The following TRIM24 variants were observed in gnomAD, a reference collection of about 807,000 sequenced individuals.
TRIM24 encodes transcription intermediary factor 1-alpha.
TRIM24 carries 29 observed loss-of-function variants against 123.9 expected under a neutral mutation model. The observed-to-expected ratio is 0.23, with a 90% confidence interval of 0.17 to 0.32. The LOEUF is 0.32. Among genes scored for constraint, TRIM24 ranks in the 10% least tolerant of loss-of-function variants. TRIM24 has a pLI of 1.00. For missense variants in TRIM24, 932 were observed against 1,295.3 expected, an observed-to-expected ratio of 0.72 and a Z score of 4.31; for synonymous variants, 456 against 461.1, an observed-to-expected ratio of 0.99 and a Z score of 0.14.
chr7:138,576,420 G>A lies in TRIM24; in HGVS notation c.2062G>A (p.Ala688Thr). 6.2e-7 allele frequency: 1 copy of A among 1,613,810 alleles called. No homozygotes were observed. The highest frequency in any genetic ancestry group is 2.2e-5 in the East Asian group (1 of 44,878). The change falls in exon 13 of 19, where the codon GCC becomes ACC. Residue 688 changes from alanine to threonine, a missense_variant. This residue lies in a region of TRIM24 where 527 missense variants were observed against 691.3 expected (regional missense o/e 0.76). Transcript: ENST00000343526. Reference sequence around the variant, plus strand: ...ACACCCCCCAATACGTTCACCTAGTGCCTCCAGCGTTGGAAGCCGAGGAAG... The same window carrying A: ...ACACCCCCCAATACGTTCACCTAGTACCTCCAGCGTTGGAAGCCGAGGAAG... ...SVHPPIRSPS[A>T]SSVGSRGSSG...
chr7:138,577,635 G>T (rs1797788393), intron 14 of TRIM24, 47 bp downstream of exon 14: 1 of 1,422,096 alleles, frequency 7.0e-7, no homozygotes, highest in Non-Finnish European at 9.3e-7. Flanking sequence ...GGTGGGTAGG[G>T]TGAGAGAATC....
chr7:138,537,379 GTTT>G (rs71177994), intron 6 of TRIM24, among the ~76,000 whole-genome samples: 48 of 56,620 alleles, frequency 8.5e-4, no homozygotes, highest in African/African-American at 3.2e-3. Context: ...ACCCCTGTTT[GTTT>G]TTTTTTTTTT....
Position 138,567,577 on chromosome 7 carries a change from A to G in TRIM24, c.1627A>G (p.Asn543Asp). The change falls in exon 10 of 19, where the codon AAC (asparagine) becomes GAC (aspartate). Residue 543 changes from asparagine to aspartate, a missense_variant. Physicochemically the swap from Asn to Asp is conservative, Grantham distance 23. Around this residue, in one of 7 missense-constraint regions of TRIM24, gnomAD observed 527 missense variants for 691.3 expected, o/e 0.76. Transcript: ENST00000343526. Reference protein sequence around the residue: ...PHPQQLRYPPNQNIPRQAIKP... With the variant: ...PHPQQLRYPPDQNIPRQAIKP... The stretch of plus-strand genomic sequence containing the variant: ...TCCTCAACAACTGAGATATCCACCA[A>G]ACCAGAACATACCACGACAAGCAAT... 6.2e-7 allele frequency: 1 copy of G among 1,613,976 alleles called. No individual in the cohort carries two copies. Among genetic ancestry groups the G allele is most frequent in the African/African-American group, 1.3e-5 (1 of 75,024 alleles).
At chr7:138,501,579 T>C (rs1796040681) in intron 1 of TRIM24, among the ~76,000 whole-genome samples, 1 of 152,092 alleles carries the variant, frequency 6.6e-6, no homozygotes, top group African/African-American at 2.4e-5. Context: ...ATGCGATCCA[T>C]TGTTGGCTAA....
chr7:138,464,793 T>G (rs566656394), intron 1 of TRIM24, among the ~76,000 whole-genome samples: 1 of 152,274 alleles, frequency 6.6e-6, no homozygotes, highest in African/African-American at 2.4e-5. Flanking sequence ...TTAACACCAC[T>G]AAACTTTAAC....
At chr7:138,481,468 T>A (rs1483196662) in intron 1 of TRIM24, among the ~76,000 whole-genome samples, 2 of 152,094 alleles carry the variant, frequency 1.3e-5, no homozygotes, top group African/African-American at 4.8e-5. Flanking sequence ...CTTTTATTTT[T>A]TGAATTTGAA....
At chr7:138,470,003 C>T (rs1795235550) in intron 1 of TRIM24, among the ~76,000 whole-genome samples, 1 of 152,134 alleles carries the variant, frequency 6.6e-6, no homozygotes, top group South Asian at 2.1e-4. Flanking sequence ...CTACATTTCC[C>T]CTCCAGTCAG....
At chr7:138,463,989 C>CTTTTTTCTTTTTTTTTTTT (rs1795072688) in intron 1 of TRIM24, among the ~76,000 whole-genome samples, 1 of 50,766 alleles carries the variant, frequency 2.0e-5, no homozygotes, top group Non-Finnish European at 3.6e-5. Context: ...AAAATTTAGA[C>CTTTTTTCTTTTTTTTTTTT]TTTTTTTTTT....
chr7:138,584,562 T>G (rs1387462205), intron 18 of TRIM24, among the ~76,000 whole-genome samples, 180 bp from the exon 19 acceptor site: 2 of 152,226 alleles, frequency 1.3e-5, no homozygotes, highest in African/African-American at 4.8e-5. Context: ...ACTTTTATCT[T>G]TTTTCCACAC....
chr7:138,524,158 C>G (rs967877378), intron 4 of TRIM24, among the ~76,000 whole-genome samples: 1 of 152,102 alleles, frequency 6.6e-6, no homozygotes, highest in Non-Finnish European at 1.5e-5. Flanking sequence ...GCAGTAGAAA[C>G]ATTCCATAAA....
At chr7:138,538,424 A>G (rs1277873357) in intron 6 of TRIM24, among the ~76,000 whole-genome samples, 1 of 152,244 alleles carries the variant, frequency 6.6e-6, no homozygotes, top group Non-Finnish European at 1.5e-5. Context: ...GTTAAATCCC[A>G]GAATATGTAA....
chr7:138,468,777 C>T (rs1391611230), intron 1 of TRIM24, among the ~76,000 whole-genome samples: 1 of 152,168 alleles, frequency 6.6e-6, no homozygotes, highest in Admixed American at 6.6e-5. Flanking sequence ...AGCCTTCAGC[C>T]AAGGACTTGG....
chr7:138,492,662 A>G (rs929279809), intron 1 of TRIM24, among the ~76,000 whole-genome samples: 2 of 152,180 alleles, frequency 1.3e-5, no homozygotes, highest in Admixed American at 1.3e-4. Flanking sequence ...GAAAGTCTCA[A>G]ATGGACTGTG....
At chr7:138,581,834 G>T (rs748618238) in intron 17 of TRIM24, 63 bp downstream of exon 17, 108 of 1,299,836 alleles carry the variant, frequency 8.3e-5, no homozygotes, top group Non-Finnish European at 1.1e-4. Flanking sequence ...AATTTTATGA[G>T]AATCTAGCTT....
rs138672116 is a variant in TRIM24, at chr7:138,497,982, C to T, written c.365-6308C>T. Among the ~76,000 whole-genome samples, 466 of 152,140 alleles carry T rather than the reference C, an allele frequency of 3.1e-3. 2 individuals are homozygous for T. The highest frequency in any genetic ancestry group is 6.8e-3 in the Middle Eastern group (2 of 294). Reference sequence around the variant, plus strand: ...TGCTGGGATTACAGGCATCAGCCTCCGTGCCTGACCCTGTGTGGTTTTTTT... The same window carrying T: ...TGCTGGGATTACAGGCATCAGCCTCTGTGCCTGACCCTGTGTGGTTTTTTT... On this transcript the variant is annotated intron_variant, in intron 1 of 18. Coordinates refer to ENST00000343526, the MANE Select transcript of TRIM24 (RefSeq NM_015905.3).
chr7:138,579,874 G>T (rs1277320285), intron 15 of TRIM24, among the ~76,000 whole-genome samples: 2 of 152,112 alleles, frequency 1.3e-5, no homozygotes, highest in Non-Finnish European at 2.9e-5. Flanking sequence ...AGTAAGCTGT[G>T]CTTGCACCAC....
chr7:138,494,174 G>A (rs1795854294), intron 1 of TRIM24, among the ~76,000 whole-genome samples: 1 of 151,934 alleles, frequency 6.6e-6, no homozygotes, highest in African/African-American at 2.4e-5. Context: ...TAGAGATGAG[G>A]TTTCACCATG....
At chr7:138,545,745 T>C (rs1797089294) in intron 7 of TRIM24, among the ~76,000 whole-genome samples, 1 of 152,278 alleles carries the variant, frequency 6.6e-6, no homozygotes, top group African/African-American at 2.4e-5. Flanking sequence ...CATGTTGTTA[T>C]ACCAGAAAAC....
Position 138,585,241 on chromosome 7 carries a change from ACTT to A in TRIM24, c.*294_*296del, listed in dbSNP as rs1441284482. 2 of 284,238 alleles carry A rather than the reference ACTT, an allele frequency of 7.0e-6. No homozygotes were observed. The highest frequency in any genetic ancestry group is 1.3e-5 in the Non-Finnish European group (2 of 153,114). 17.6% of individuals were successfully genotyped at this position (284,238 alleles called of 1,614,324 possible). ...CATTGAAAACAAAGACATTCTTCCCACTTCTTGGATTTTTAAACCACAGTCTGG... is the reference window on the plus strand; with the variant it reads ...CATTGAAAACAAAGACATTCTTCCCACTTGGATTTTTAAACCACAGTCTGG... On this transcript the variant is annotated 3_prime_UTR_variant, in exon 19 of 19. Transcript: ENST00000343526.
Sources: gnomAD v4.1 joint callset for allele counts (sites outside exome capture counted in the v4.1 genomes callset) on GRCh38, gnomAD v4.1.1 for gene constraint, gnomAD v4.1.1 regional missense constraint, MANE v1.5 for transcripts, NCBI Gene and HGNC (gene_info 2026-07-23, HGNC 2026-07-21) for gene names.